Variants in DLGAP4 observed in about 807,000 individuals in gnomAD.
DLGAP4 encodes the protein disks large-associated protein 4.
In DLGAP4, 18 loss-of-function variants were observed where a neutral mutation model predicts 86.9. The observed-to-expected ratio is 0.21, with a 90% CI of 0.14 to 0.31. The LOEUF is 0.31. Ranked by LOEUF, DLGAP4 falls within the 10% of genes least tolerant of loss-of-function variation. The probability of loss-of-function intolerance (pLI) is 1.00; values close to 1 mark genes in which losing one functional copy is unlikely to be tolerated. For missense variants in DLGAP4, 1,085 were observed against 1,362.6 expected, an observed-to-expected ratio of 0.80 and a Z score of 3.21; for synonymous variants, 548 against 574.3, an observed-to-expected ratio of 0.95 and a Z score of 0.65.
chr20:36,343,641 G>A (rs2065407460), intron 1 of DLGAP4, among the ~76,000 whole-genome samples: 1 of 152,178 alleles, frequency 6.6e-6, no homozygotes, highest in Admixed American at 6.5e-5. Flanking sequence ...CCCCCCGTTG[G>A]GTGAATTTGA....
chr20:36,384,189 G>C (rs1359970243), intron 2 of DLGAP4, among the ~76,000 whole-genome samples: 1 of 152,152 alleles, frequency 6.6e-6, no homozygotes, highest in East Asian at 1.9e-4. Flanking sequence ...CCTTAGTGCT[G>C]ATGTCAGGGG....
chr20:36,311,590 A>T (rs1263748232), intron 1 of DLGAP4, among the ~76,000 whole-genome samples: 4 of 152,196 alleles, frequency 2.6e-5, no homozygotes, highest in African/African-American at 9.7e-5. Context: ...CATTCCTTCA[A>T]CAAAGCATTT....
intron 1 of DLGAP4, among the ~76,000 whole-genome samples, chr20:36,349,055 A>C (rs2147385689): frequency 7.4e-6 from 1 of 135,972 alleles, no homozygotes; most frequent in East Asian, 2.4e-4. Context: ...GTGAGCCAAG[A>C]TTGAGCCACT....
At chr20:36,499,182 G>A (rs1243171920) in intron 8 of DLGAP4, 2 of 1,483,776 alleles carry the variant, frequency 1.3e-6, no homozygotes, top group African/African-American at 2.8e-5. Context: ...TTGTGTGTGT[G>A]TGTGTGTTTT....
At chr20:36,346,464 G>A (rs1381847217) in intron 1 of DLGAP4, among the ~76,000 whole-genome samples, 1 of 152,244 alleles carries the variant, frequency 6.6e-6, no homozygotes, top group Non-Finnish European at 1.5e-5. Context: ...GCCTGAAAGA[G>A]TGGGACGGAT....
chr20:36,335,139 A>G (rs1179855514), intron 1 of DLGAP4, among the ~76,000 whole-genome samples: 1 of 152,088 alleles, frequency 6.6e-6, no homozygotes, highest in African/African-American at 2.4e-5. Flanking sequence ...ACAGAGCTGG[A>G]GGCTTTTGAG....
chr20:36,309,501 C>T (rs1051769043), intron 1 of DLGAP4, among the ~76,000 whole-genome samples: 1 of 152,218 alleles, frequency 6.6e-6, no homozygotes, highest in Non-Finnish European at 1.5e-5. Context: ...GCGTTCCTGG[C>T]CTCCAGCTGG....
At chr20:36,341,644 T>G (rs1319064050) in intron 1 of DLGAP4, among the ~76,000 whole-genome samples, 1 of 152,220 alleles carries the variant, frequency 6.6e-6, no homozygotes, top group Non-Finnish European at 1.5e-5. Flanking sequence ...GGAGTTGGTG[T>G]CTGATCTCCC....
intron 7 of DLGAP4, chr20:36,461,304 G>C: frequency 4.2e-6 from 1 of 238,210 alleles, no homozygotes; most frequent in Non-Finnish European, 6.6e-6. Context: ...CGGCCCGCGC[G>C]CCTGCCGACC....
At chr20:36,324,750 A>G (rs1463824238) in intron 1 of DLGAP4, among the ~76,000 whole-genome samples, 1 of 152,176 alleles carries the variant, frequency 6.6e-6, no homozygotes, top group Non-Finnish European at 1.5e-5. Context: ...TAAGTTTCGA[A>G]ACTTATTATC....
chr20:36,457,277 A>C (rs901621871), intron 7 of DLGAP4, among the ~76,000 whole-genome samples: 4 of 151,300 alleles, frequency 2.6e-5, no homozygotes, highest in Admixed American at 2.6e-4. Flanking sequence ...GGCGTGCAGT[A>C]GCGAGATCTT....
At chr20:36,385,063 G>C (rs1266447614) in intron 2 of DLGAP4, among the ~76,000 whole-genome samples, 1 of 152,170 alleles carries the variant, frequency 6.6e-6, no homozygotes, top group Non-Finnish European at 1.5e-5. Flanking sequence ...GGTGTGACCT[G>C]CTGGGGGCAT....
chr20:36,322,698 G>A (rs2065180660), intron 1 of DLGAP4, among the ~76,000 whole-genome samples: 1 of 152,186 alleles, frequency 6.6e-6, no homozygotes, highest in Admixed American at 6.5e-5. Context: ...CTGCTCATCT[G>A]CAGCTACTTC....
intron 10 of DLGAP4, among the ~76,000 whole-genome samples, chr20:36,520,368 CAG>C (rs2037301736): frequency 6.6e-6 from 1 of 151,462 alleles, no homozygotes; most frequent in Admixed American, 6.6e-5. Flanking sequence ...TTCTATGAGA[CAG>C]AGTCTCACTC....
At chr20:36,524,216 C>T (rs1443687665) in intron 10 of DLGAP4, 34 bp from the exon 11 acceptor site, 1 of 1,574,990 alleles carries the variant, frequency 6.3e-7, no homozygotes, top group African/African-American at 1.4e-5. Context: ...CTGTGCTGTG[C>T]TAAATCAGTC....
chr20:36,449,765 G>A (rs188188296), intron 7 of DLGAP4, among the ~76,000 whole-genome samples: 1 of 152,282 alleles, frequency 6.6e-6, no homozygotes, highest in East Asian at 1.9e-4. Flanking sequence ...CTAAAGATAG[G>A]GGATGGGCTA....
At chr20:36,474,443 G>T (rs1432502687) in intron 7 of DLGAP4, among the ~76,000 whole-genome samples, 1 of 152,190 alleles carries the variant, frequency 6.6e-6, no homozygotes. Flanking sequence ...CTCTCTGCAG[G>T]GTCATCACTC....
chr20:36,403,021 C>G (rs2147486841), intron 2 of DLGAP4, among the ~76,000 whole-genome samples: 1 of 152,224 alleles, frequency 6.6e-6, no homozygotes, highest in East Asian at 1.9e-4. Flanking sequence ...GAAAAGAGGA[C>G]AGAAAGAGGG....
intron 2 of DLGAP4, among the ~76,000 whole-genome samples, chr20:36,398,654 A>G (rs1323363285): frequency 1.3e-5 from 2 of 152,180 alleles, no homozygotes; most frequent in Admixed American, 1.3e-4. Flanking sequence ...AACCCCCTTT[A>G]ACAGCTCTGT....
Sources: allele counts gnomAD v4.1 joint callset (sites outside exome capture counted in the v4.1 genomes callset), GRCh38; gene constraint gnomAD v4.1.1; transcripts MANE v1.5; gene names NCBI Gene and HGNC (gene_info 2026-07-23, HGNC 2026-07-21).